The following BTG4 variants were observed in gnomAD, a reference collection of about 807,000 sequenced individuals.
The protein encoded by BTG4 is BTG anti-proliferation factor 4.
A neutral mutation model predicts 19.3 loss-of-function variants in BTG4; 10 were observed. The observed-to-expected ratio is 0.52, with a 90% confidence interval of 0.32 to 0.88. The LOEUF (loss-of-function observed/expected upper bound fraction) is 0.88. BTG4 is among the 40% of genes least tolerant of loss of function. The pLI is 0.04. For missense variants in BTG4, 238 were observed against 281.9 expected, an observed-to-expected ratio of 0.84 and a Z score of 1.11; for synonymous variants, 91 against 95.7, an observed-to-expected ratio of 0.95 and a Z score of 0.29.
At chr11:111,454,290 C>A in the BTG4 span, 17 of 456,372 alleles carry the variant, frequency 3.7e-5, no homozygotes, top group East Asian at 9.8e-4. Context: ...GACACAGAGG[C>A]CTTCTTTGGA....
At chr11:111,471,415 G>T (rs1864054749) in intron 5 of BTG4, among the ~76,000 whole-genome samples, 1 of 152,166 alleles carries the variant, frequency 6.6e-6, no homozygotes, top group Non-Finnish European at 1.5e-5. Flanking sequence ...AAATCACAGA[G>T]AACAGTCCAT....
At chr11:111,454,999 C>T in the BTG4 span, 64 of 456,486 alleles carry the variant, frequency 1.4e-4, no homozygotes, top group East Asian at 3.6e-3. Flanking sequence ...GGGTGAAGCC[C>T]GTTCTCTCCA....
chr11:111,481,101 T>C (rs987474975), intron 5 of BTG4, among the ~76,000 whole-genome samples: 2 of 151,824 alleles, frequency 1.3e-5, no homozygotes, highest in African/African-American at 2.4e-5. Context: ...CAAGAATGAA[T>C]GTAGGGATAC....
intron 2 of BTG4, 83 bp from the exon 3 acceptor site, chr11:111,498,218 A>T: frequency 6.8e-7 from 1 of 1,475,664 alleles, no homozygotes; most frequent in Admixed American, 1.7e-5. Context: ...CTGTTCCAAT[A>T]CACATAGCTC....
the BTG4 span, among the ~76,000 whole-genome samples, chr11:111,398,464 T>G: frequency 6.6e-6 from 1 of 152,060 alleles, no homozygotes; most frequent in Non-Finnish European, 1.5e-5. Flanking sequence ...TTTTTTTTGT[T>G]TTTTTTTGAG....
intron 5 of BTG4, among the ~76,000 whole-genome samples, chr11:111,475,738 T>A (rs1864359686): frequency 6.6e-6 from 1 of 152,160 alleles, no homozygotes; most frequent in Admixed American, 6.5e-5. Flanking sequence ...TTCTGTATCA[T>A]GCCCTGTATT....
chr11:111,411,604 C>A, the BTG4 span, among the ~76,000 whole-genome samples: 1 of 152,174 alleles, frequency 6.6e-6, no homozygotes, highest in Non-Finnish European at 1.5e-5. Flanking sequence ...GTAATGTGCA[C>A]ACAAATCAAC....
At chr11:111,395,042 G>A in the BTG4 span, among the ~76,000 whole-genome samples, 2 of 152,242 alleles carry the variant, frequency 1.3e-5, no homozygotes, top group African/African-American at 4.8e-5. Flanking sequence ...GGTGACTAAG[G>A]AAGAAGGCCA....
At chr11:111,456,846 G>A in the BTG4 span, 1 of 228,970 alleles carries the variant, frequency 4.4e-6, no homozygotes, top group South Asian at 5.9e-5. This position sits in a 1 kb window ranked among gnomAD's most constrained non-coding sequence, Gnocchi z 4.2. Flanking sequence ...CACAGCACAG[G>A]ACGCAGGGCT....
chr11:111,404,517 G>A, the BTG4 span: 2 of 451,106 alleles, frequency 4.4e-6, no homozygotes, highest in African/African-American at 2.0e-5. Flanking sequence ...GAAACAGGGG[G>A]CAGGGAATCA....
downstream of BTG4, chr11:111,464,795 T>C (rs1863623148): frequency 6.6e-6 from 1 of 152,180 alleles, no homozygotes; most frequent in Admixed American, 6.6e-5. Flanking sequence ...CATCTCTTTC[T>C]CTCTACCCCC....
At chr11:111,431,925 G>A in the BTG4 span, among the ~76,000 whole-genome samples, 1 of 152,310 alleles carries the variant, frequency 6.6e-6, no homozygotes, top group Admixed American at 6.5e-5. Flanking sequence ...GGAGGATACA[G>A]ACATGGAATC....
the BTG4 span, chr11:111,456,423 C>T: frequency 2.3e-6 from 1 of 435,334 alleles, no homozygotes; most frequent in Non-Finnish European, 4.7e-6. The surrounding 1 kb of genome is among the most constrained non-coding windows in gnomAD (Gnocchi z 4.2). Flanking sequence ...TCACCAGCTC[C>T]TTCCAGTCAC....
chr11:111,448,106 C>T, the BTG4 span, among the ~76,000 whole-genome samples: 2 of 152,232 alleles, frequency 1.3e-5, no homozygotes, highest in African/African-American at 4.8e-5. Context: ...CATGGGCTTC[C>T]ATAGCTGTCT....
At chr11:111,405,036 CA>C in the BTG4 span, among the ~76,000 whole-genome samples, 1 of 152,164 alleles carries the variant, frequency 6.6e-6, no homozygotes, top group African/African-American at 2.4e-5. Context: ...GTGCCTAATG[CA>C]TGTTTGTAGT....
At chr11:111,484,254 G>A (rs1864916440) in intron 5 of BTG4, among the ~76,000 whole-genome samples, 1 of 152,040 alleles carries the variant, frequency 6.6e-6, no homozygotes, top group Non-Finnish European at 1.5e-5. Context: ...GGATGTTAAT[G>A]AAAAAGAAGT....
chr11:111,437,125 C>T, the BTG4 span, among the ~76,000 whole-genome samples: 1 of 152,114 alleles, frequency 6.6e-6, no homozygotes, highest in Non-Finnish European at 1.5e-5. Context: ...GCTGCAGCCC[C>T]CAGCAGCCCC....
the BTG4 span, among the ~76,000 whole-genome samples, chr11:111,395,812 G>A: frequency 4.6e-5 from 7 of 152,162 alleles, no homozygotes; most frequent in South Asian, 2.1e-4. Flanking sequence ...TTGGAGATGC[G>A]CTGCCCTAGG....
At chr11:111,425,291 A>C in the BTG4 span, among the ~76,000 whole-genome samples, 1 of 152,160 alleles carries the variant, frequency 6.6e-6, no homozygotes, top group African/African-American at 2.4e-5. Flanking sequence ...GCTGCATGCC[A>C]GGCACTCTGT....
Sources: allele counts gnomAD v4.1 joint callset (sites outside exome capture counted in the v4.1 genomes callset), GRCh38; gene constraint gnomAD v4.1.1; non-coding constraint Gnocchi (gnomAD v3.1); transcripts MANE v1.5; gene names NCBI Gene and HGNC (gene_info 2026-07-23, HGNC 2026-07-21).